Variants in LMO3 observed in about 807,000 individuals in gnomAD.
LMO3 encodes LIM domain only protein 3.
A neutral mutation model predicts 15.8 loss-of-function variants in LMO3; 2 were observed. That is an observed-to-expected ratio of 0.13 (90% CI 0.05 to 0.40). LMO3 has a LOEUF of 0.40. Among genes scored for constraint, LMO3 ranks in the 10% least tolerant of loss-of-function variants. The pLI is 0.99. For synonymous variants in LMO3, 62 were observed against 63.8 expected, an observed-to-expected ratio of 0.97 and a Z score of 0.13; for missense variants, 86 against 182.2, an observed-to-expected ratio of 0.47 and a Z score of 3.04.
rs1942323051 is a variant in LMO3 at position 16,559,805 on chromosome 12, A to C, written c.332+608T>G. Among the ~76,000 whole-genome samples, 1 of 151,596 alleles carries C rather than the reference A, an allele frequency of 6.6e-6. No individual in the cohort carries two copies. Among genetic ancestry groups the C allele is most frequent in the Non-Finnish European group, 1.5e-5 (1 of 67,894 alleles). Reference sequence around the variant, plus strand: ...ATCATCTCTATAAAAAATGAAAAAAAAAAAAAATTAGCCAGGCATGGGAGT... The same window carrying C: ...ATCATCTCTATAAAAAATGAAAAAACAAAAAAATTAGCCAGGCATGGGAGT... On this transcript the variant is annotated intron_variant, in intron 3 of 3. Transcript: ENST00000537304. The surrounding 1 kb of genome is among the most constrained non-coding windows in gnomAD (Gnocchi z 4.1).
rs1474451841 is a variant in LMO3, at chr12:16,593,040, T to G, written c.206+7615A>C. ...ATGAGACAGGAATTTATTTTTTCTC[T>G]GTGGTATCTGGATTACTGTTAAACA... On this transcript the variant is annotated intron_variant, in intron 2 of 3. Coordinates refer to ENST00000537304, the MANE Select transcript of LMO3 (RefSeq NM_018640.5). This position sits in a 1 kb window ranked among gnomAD's most constrained non-coding sequence, Gnocchi z 4.2. 6.6e-6 allele frequency among the ~76,000 whole-genome samples: 1 copy of G among 151,906 alleles called. No individual in the cohort carries two copies. Among genetic ancestry groups the G allele is most frequent in the Non-Finnish European group, 1.5e-5 (1 of 67,842 alleles).
At chr12:16,567,284 C>A in intron 2 of LMO3, 1 of 157,692 alleles carries the variant, frequency 6.3e-6, no homozygotes, top group African/African-American at 2.4e-5. Context: ...TGAGAGAAAG[C>A]TGAGGTTCAA....
At chr12:16,578,306 A>G (rs1943056109) in intron 2 of LMO3, among the ~76,000 whole-genome samples, 1 of 152,180 alleles carries the variant, frequency 6.6e-6, no homozygotes, top group Non-Finnish European at 1.5e-5. Flanking sequence ...TTTGAGAACA[A>G]TTGTATTTTA....
intron 2 of LMO3, among the ~76,000 whole-genome samples, chr12:16,583,371 A>C (rs924717210): frequency 2.0e-5 from 3 of 152,168 alleles, no homozygotes; most frequent in Admixed American, 6.5e-5. Flanking sequence ...TTGAGGGATA[A>C]AGCATCTTTT....
In LMO3 at chr12:16,603,150, C is replaced by A. The variant is rs1391159906; in HGVS notation, c.-8-2282G>T. On this transcript the variant is annotated intron_variant, in intron 1 of 3. Transcript: ENST00000537304. This position sits in a 1 kb window ranked among gnomAD's most constrained non-coding sequence, Gnocchi z 4.9. ...AGTAACACTACCCTACTTGTCTTCA[C>A]AAAATGTTTTTGTTGTGTTGACATT... 1.3e-5 allele frequency among the ~76,000 whole-genome samples: 2 copies of A among 152,136 alleles called. No individual in the cohort carries two copies. The highest frequency in any genetic ancestry group is 2.9e-5 in the Non-Finnish European group (2 of 68,030).
rs1213604305 is a variant in LMO3 at position 16,596,499 on chromosome 12, A to G, written c.206+4156T>C. Among the ~76,000 whole-genome samples the G allele has an allele frequency of 6.6e-6, 1 of 151,652 alleles. No homozygotes were observed. Among genetic ancestry groups the G allele is most frequent in the East Asian group, 1.9e-4 (1 of 5,176 alleles). On this transcript the variant is annotated intron_variant, in intron 2 of 3. Coordinates refer to ENST00000537304, the MANE Select transcript of LMO3 (RefSeq NM_018640.5). This position sits in a 1 kb window ranked among gnomAD's most constrained non-coding sequence, Gnocchi z 4.3. ...TACAGCCTATATAGACTTAATGCTTAAAGTACGTCACAAAAAGTTGCAGGT... is the reference window on the plus strand; with the variant it reads ...TACAGCCTATATAGACTTAATGCTTGAAGTACGTCACAAAAAGTTGCAGGT...
intron 2 of LMO3, among the ~76,000 whole-genome samples, chr12:16,569,035 A>ATT (rs1942718886): frequency 6.6e-6 from 1 of 152,142 alleles, no homozygotes; most frequent in Non-Finnish European, 1.5e-5. Context: ...ACAATGCCCC[A>ATT]CCTATTGTTC....
At chr12:16,561,352 A>G (rs1245954470) in intron 2 of LMO3, among the ~76,000 whole-genome samples, 4 of 152,190 alleles carry the variant, frequency 2.6e-5, no homozygotes, top group African/African-American at 9.6e-5. Context: ...AATGGAGGGG[A>G]AGAATTATTA....
intron 2 of LMO3, among the ~76,000 whole-genome samples, chr12:16,578,740 C>T (rs1329791106): frequency 1.3e-5 from 2 of 151,824 alleles, no homozygotes; most frequent in East Asian, 3.9e-4. Flanking sequence ...ATTCCTTGAA[C>T]CTGGGAGGCG....
intron 2 of LMO3, among the ~76,000 whole-genome samples, chr12:16,574,146 C>A (rs777823256): frequency 2.6e-5 from 4 of 152,054 alleles, no homozygotes; most frequent in Non-Finnish European, 5.9e-5. Context: ...AATGCAACAC[C>A]ACCAAGACCC....
chr12:16,573,732 C>T (rs1942902038), intron 2 of LMO3: 1 of 152,096 alleles, frequency 6.6e-6, no homozygotes, highest in South Asian at 2.1e-4. Context: ...CTGAAGCAGC[C>T]CTGAGGGATT....
chr12:16,602,830 T>C (rs142866609), intron 1 of LMO3, among the ~76,000 whole-genome samples: 197 of 152,204 alleles, frequency 1.3e-3, no homozygotes, highest in African/African-American at 4.6e-3. Flanking sequence ...GAAGGGGAAG[T>C]TTTGATTTAC....
In LMO3 at chr12:16,603,915, A is replaced by G. The variant is rs1306457308; in HGVS notation, c.-9+2151T>C. Among the ~76,000 whole-genome samples the G allele has an allele frequency of 6.6e-6, 1 of 152,230 alleles. No individual in the cohort carries two copies. Among genetic ancestry groups the G allele is most frequent in the Non-Finnish European group, 1.5e-5 (1 of 68,044 alleles). On this transcript the variant is annotated intron_variant, in intron 1 of 3. Transcript: ENST00000537304. This position sits in a 1 kb window ranked among gnomAD's most constrained non-coding sequence, Gnocchi z 4.9. ...TTTTTGGACTAACTACACAGAGTGA[A>G]TAGAAAACATTTTGTCCGTCGGAAA...
Position 16,567,130 on chromosome 12 carries a change from A to T in LMO3, c.207-6592T>A, listed in dbSNP as rs567706996. Among the ~76,000 whole-genome samples the T allele has an allele frequency of 6.6e-4, 100 of 152,178 alleles. No individual in the cohort carries two copies. In the South Asian group the frequency reaches 9.6e-3, roughly 15 times the overall value. On this transcript the variant is annotated intron_variant, in intron 2 of 3. Transcript: ENST00000537304. ...AGAATCACTTGAACCTGCGAGGCGG[A>T]GGTTGCAGTGAGCTGAGATCGTGCC...
intron 2 of LMO3, chr12:16,594,386 C>CA (rs1943584588): frequency 5.2e-6 from 4 of 764,138 alleles, no homozygotes; most frequent in Non-Finnish European, 7.6e-6. Flanking sequence ...ATGGCTAATA[C>CA]AAATGGAGTT....
At chr12:16,606,842 C>G (rs1250831578), upstream of LMO3, 1 of 152,184 alleles carries the variant, frequency 6.6e-6, no homozygotes, top group East Asian at 1.9e-4. Context: ...AAAAGAAGAA[C>G]TCCTGCGAGA....
chr12:16,588,707 A>G (rs926957126), intron 2 of LMO3, among the ~76,000 whole-genome samples: 8 of 152,272 alleles, frequency 5.3e-5, no homozygotes, highest in Admixed American at 1.3e-4. Flanking sequence ...TAAAGTGCAC[A>G]TATTTAGACA....
chr12:16,608,563 T>G, upstream of LMO3: 1 of 152,184 alleles, frequency 6.6e-6, no homozygotes, highest in East Asian at 1.9e-4. The surrounding 1 kb of genome is among the most constrained non-coding windows in gnomAD (Gnocchi z 4.1). Flanking sequence ...CATTAACCAC[T>G]TTGTCACCTT....
Position 16,596,506 on chromosome 12 carries a change from G to A in LMO3, c.206+4149C>T, listed in dbSNP as rs1485540216. ...TATATAGACTTAATGCTTAAAGTAC[G>A]TCACAAAAAGTTGCAGGTTCAAAGA... On this transcript the variant is annotated intron_variant, in intron 2 of 3. Coordinates refer to ENST00000537304, the MANE Select transcript of LMO3 (RefSeq NM_018640.5). This position sits in a 1 kb window ranked among gnomAD's most constrained non-coding sequence, Gnocchi z 4.3. Among the ~76,000 whole-genome samples the A allele has an allele frequency of 6.6e-6, 1 of 151,496 alleles. No homozygotes were observed. Among genetic ancestry groups the A allele is most frequent in the Non-Finnish European group, 1.5e-5 (1 of 67,570 alleles).
Sources: allele counts gnomAD v4.1 joint callset (sites outside exome capture counted in the v4.1 genomes callset), GRCh38; gene constraint gnomAD v4.1.1; non-coding constraint Gnocchi (gnomAD v3.1); transcripts MANE v1.5; gene names NCBI Gene and HGNC (gene_info 2026-07-23, HGNC 2026-07-21).